The following ATM variants were observed in gnomAD, a reference collection of about 807,000 sequenced individuals.
The protein encoded by ATM is ATM serine/threonine kinase.
Under a neutral mutation model 387.0 loss-of-function variants are expected in ATM, and 308 were observed. The observed-to-expected ratio is 0.80, with a 90% CI of 0.73 to 0.87. The LOEUF (loss-of-function observed/expected upper bound fraction) is 0.87. Ranked by LOEUF, ATM falls within the 40% of genes least tolerant of loss-of-function variation. The pLI is 0.00. For missense variants in ATM, 3,312 were observed against 3,560.9 expected, an observed-to-expected ratio of 0.93 and a Z score of 1.78; for synonymous variants, 1,156 against 1,187.3, an observed-to-expected ratio of 0.97 and a Z score of 0.54.
At chr11:108,255,487 C>G (rs914638935) in intron 13 of ATM, among the ~76,000 whole-genome samples, 1 of 142,840 alleles carries the variant, frequency 7.0e-6, no homozygotes, top group Non-Finnish European at 1.5e-5. Context: ...GTGCAGTGGC[C>G]TGATCTCGGC....
At chr11:108,352,481 GA>G (rs765935525) in intron 59 of ATM, among the ~76,000 whole-genome samples, 2 of 152,158 alleles carry the variant, frequency 1.3e-5, no homozygotes, top group Non-Finnish European at 2.9e-5. Context: ...AACAGAGGAA[GA>G]AAATTAAGAG....
In ATM at chr11:108,343,310, G is replaced by T. The variant is rs2136948181; in HGVS notation, c.8357G>T (p.Gly2786Val). Residue 2786 changes from glycine (G) to valine (V), a missense_variant, in exon 57 of 63, where the codon GGT becomes GTT. Transcript: ENST00000675843. The part of the protein sequence containing the change: ...IGEFLVNNED[G>V]AHKRYRPNDF... ...GAATTTCTTGTTAACAATGAAGATG[G>T]TGCTCATAAAAGATACAGGCCAAAT... The T allele has an allele frequency of 6.2e-7, 1 of 1,614,016 alleles. No homozygotes were observed. Among genetic ancestry groups the T allele is most frequent in the African/African-American group, 1.3e-5 (1 of 75,026 alleles).
intron 38 of ATM, chr11:108,308,403 T>G: frequency 4.1e-6 from 1 of 244,406 alleles, no homozygotes; most frequent in South Asian, 5.2e-5. Context: ...GATGTAAGTT[T>G]CTTTACTGTG....
intron 10 of ATM, 105 bp downstream of exon 10, chr11:108,251,177 A>G (rs2080130569): frequency 6.6e-7 from 1 of 1,517,330 alleles, no homozygotes; most frequent in South Asian, 1.2e-5. Context: ...TCAGTTAAAG[A>G]TGTCAAATTC....
chr11:108,228,630 C>G (rs1446788423), intron 3 of ATM, among the ~76,000 whole-genome samples: 2 of 152,154 alleles, frequency 1.3e-5, no homozygotes, highest in East Asian at 3.8e-4. Context: ...GATTTGAAAG[C>G]ATATAAAATG....
chr11:108,337,900 T>G (rs1421455205), intron 56 of ATM, among the ~76,000 whole-genome samples: 2 of 152,248 alleles, frequency 1.3e-5, no homozygotes, highest in Non-Finnish European at 2.9e-5. Context: ...AGATACACAA[T>G]TGAACCTCCA....
chr11:108,361,162 CAGAG>C (rs1172993451), intron 61 of ATM, among the ~76,000 whole-genome samples: 7 of 129,804 alleles, frequency 5.4e-5, no homozygotes, highest in African/African-American at 1.8e-4. Flanking sequence ...AACAGACAAA[CAGAG>C]AGCCAAATCA....
At chr11:108,354,156 C>T (rs1317128544) in intron 60 of ATM, among the ~76,000 whole-genome samples, 2 of 151,622 alleles carry the variant, frequency 1.3e-5, no homozygotes, top group Non-Finnish European at 2.9e-5. Context: ...AATCGTATTC[C>T]AGTGCCTTAT....
At chr11:108,251,366 ACACT>A (rs935573101) in intron 10 of ATM, among the ~76,000 whole-genome samples, 2 of 152,208 alleles carry the variant, frequency 1.3e-5, no homozygotes, top group African/African-American at 4.8e-5. Context: ...ATAATTTGAC[ACACT>A]CATATGACAC....
At chr11:108,283,504 G>C (rs1011299540) in intron 25 of ATM, among the ~76,000 whole-genome samples, 5 of 152,174 alleles carry the variant, frequency 3.3e-5, no homozygotes, top group Admixed American at 6.5e-5. Context: ...TACATGTAGT[G>C]TATCACAGAT....
intron 37 of ATM, 107 bp from the exon 38 acceptor site, chr11:108,307,789 GC>G (rs2083803873): frequency 2.0e-6 from 2 of 978,446 alleles, no homozygotes; most frequent in Admixed American, 3.9e-5. Flanking sequence ...GTTAGGTACT[GC>G]CCACCAGAAC....
At chr11:108,310,353 G>A in intron 39 of ATM, 38 bp downstream of exon 39, 1 of 1,571,464 alleles carries the variant, frequency 6.4e-7, no homozygotes, top group Non-Finnish European at 8.7e-7. Flanking sequence ...TAAAATTAAT[G>A]TTGGCATTGT....
intron 15 of ATM, among the ~76,000 whole-genome samples, 155 bp from the exon 16 acceptor site, chr11:108,258,831 C>A (rs2080678512): frequency 6.6e-6 from 1 of 152,120 alleles, no homozygotes; most frequent in Non-Finnish European, 1.5e-5. Context: ...GTTATTATAA[C>A]TCTAAGAAAA....
chr11:108,238,938 C>T (rs1040924076), intron 5 of ATM, among the ~76,000 whole-genome samples: 3 of 152,078 alleles, frequency 2.0e-5, no homozygotes, highest in African/African-American at 7.2e-5. Context: ...TTTCTATACT[C>T]AGTAAACAAT....
chr11:108,235,203 G>A (rs897118377), intron 4 of ATM, among the ~76,000 whole-genome samples: 16 of 151,782 alleles, frequency 1.1e-4, no homozygotes, highest in African/African-American at 3.9e-4. Flanking sequence ...GGCTGAGGTG[G>A]GAGAATTACT....
At chr11:108,299,658 G>A (rs1005685831) in intron 33 of ATM, 56 bp from the exon 34 acceptor site, 50 of 1,563,398 alleles carry the variant, frequency 3.2e-5, no homozygotes, top group Non-Finnish European at 3.7e-5. Context: ...GAAAATTTCA[G>A]TTTTATGTAT....
At chr11:108,267,061 G>T in intron 16 of ATM, 110 bp from the exon 17 acceptor site, 2 of 1,119,748 alleles carry the variant, frequency 1.8e-6, no homozygotes, top group Admixed American at 2.0e-5. Context: ...CTCCCAAATT[G>T]CTGAGATTAC....
chr11:108,275,704 G>A (rs1055500580), intron 22 of ATM, among the ~76,000 whole-genome samples: 8 of 152,168 alleles, frequency 5.3e-5, no homozygotes, highest in African/African-American at 1.9e-4. Context: ...CTCTCTTCTG[G>A]CTTGTAAGGT....
intron 27 of ATM, 87 bp downstream of exon 27, chr11:108,287,802 C>G: frequency 2.2e-6 from 2 of 921,812 alleles, no homozygotes; most frequent in South Asian, 1.4e-5. Flanking sequence ...ATGTCTATTT[C>G]AATTTATAGA....
Sources: allele counts gnomAD v4.1 joint callset (sites outside exome capture counted in the v4.1 genomes callset), GRCh38; gene constraint gnomAD v4.1.1; transcripts MANE v1.5; gene names NCBI Gene and HGNC (gene_info 2026-07-23, HGNC 2026-07-21).